FMN1: variants seen among roughly 807,000 people sequenced by gnomAD.
FMN1 encodes the protein formin 1, also known as formin-1.
A neutral mutation model predicts 132.4 loss-of-function variants in FMN1; 110 were observed. That is an observed-to-expected ratio of 0.83 (90% confidence interval 0.71 to 0.97). FMN1 has a LOEUF of 0.97. FMN1 is among the 50% of genes least tolerant of loss of function. The probability of loss-of-function intolerance (pLI) is 0.00; values close to 1 mark genes in which losing one functional copy is unlikely to be tolerated. For synonymous variants in FMN1, 722 were observed against 651.7 expected, an observed-to-expected ratio of 1.11 and a Z score of -1.64; for missense variants, 1,792 against 1,705.3, an observed-to-expected ratio of 1.05 and a Z score of -0.90.
chr15:33,087,844 C>T (rs1309075508), intron 5 of FMN1, among the ~76,000 whole-genome samples: 1 of 151,664 alleles, frequency 6.6e-6, no homozygotes, highest in African/African-American at 2.4e-5. Context: ...TATACATACA[C>T]ACACATATAT....
intron 16 of FMN1, among the ~76,000 whole-genome samples, chr15:32,863,725 G>A (rs7182810): frequency 0.13 from 20,242 of 152,046 alleles, 3,556 homozygotes; most frequent in African/African-American, 0.41. Flanking sequence ...GTAAGAACAG[G>A]ACCGTCTAGT....
At chr15:32,917,471 G>A (rs1030836436) in intron 10 of FMN1, among the ~76,000 whole-genome samples, 1 of 152,224 alleles carries the variant, frequency 6.6e-6, no homozygotes, top group Non-Finnish European at 1.5e-5. Flanking sequence ...AGGACAGCAG[G>A]CAGACTTTAT....
At chr15:33,015,150 A>T (rs2034966537) in intron 6 of FMN1, among the ~76,000 whole-genome samples, 2 of 152,156 alleles carry the variant, frequency 1.3e-5, no homozygotes, top group African/African-American at 2.4e-5. Context: ...GTTTTTGTTT[A>T]TTCCCTTGTT....
At chr15:32,970,371 T>A (rs145302590) in intron 7 of FMN1, among the ~76,000 whole-genome samples, 1 of 152,186 alleles carries the variant, frequency 6.6e-6, no homozygotes. Flanking sequence ...ATATTTTTTG[T>A]CAATTTATTT....
intron 17 of FMN1, among the ~76,000 whole-genome samples, chr15:32,810,526 T>G (rs752783965): frequency 4.6e-5 from 7 of 152,190 alleles, no homozygotes; most frequent in Non-Finnish European, 8.8e-5. Flanking sequence ...TATACTATTT[T>G]CCACAGTTAA....
rs564822221 is a variant in FMN1 at position 32,969,533 on chromosome 15, G to C, written c.2224-56C>G. The C allele has an allele frequency of 1.7e-5, 26 of 1,563,360 alleles. No homozygotes were observed. In the East Asian group the frequency reaches 5.4e-4, roughly 32 times the overall value. ...ATGAGTTTATTAAGAACAAACTTAA[G>C]AATTTAGAAACTCAATAATACCATC... On this transcript the variant is annotated intron_variant, in intron 7 of 20. Coordinates refer to ENST00000616417, the MANE Select transcript of FMN1 (RefSeq NM_001277313.2).
chr15:32,799,303 A>G (rs2057398495), intron 18 of FMN1, among the ~76,000 whole-genome samples: 1 of 152,162 alleles, frequency 6.6e-6, no homozygotes, highest in Admixed American at 6.5e-5. Context: ...GATTACATGC[A>G]AGGTGGATGA....
In FMN1 at chr15:32,782,370, T is replaced by C. The variant is rs183288019; in HGVS notation, c.4131-5451A>G. ...AAATAGTTATAAAATGATTGCTTTT[T>C]GCATTTATCCTTGGGAAAAAACTAT... On this transcript the variant is annotated intron_variant, in intron 19 of 20. Transcript: ENST00000616417. Among the ~76,000 whole-genome samples the C allele has an allele frequency of 1.4e-3, 211 of 152,372 alleles. 2 individuals carry two copies. Among genetic ancestry groups the C allele is most frequent in the Non-Finnish European group, 2.5e-4 (17 of 68,036 alleles).
chr15:32,880,526 C>T (rs893783690), intron 16 of FMN1, among the ~76,000 whole-genome samples: 3 of 152,150 alleles, frequency 2.0e-5, no homozygotes, highest in Admixed American at 6.5e-5. Flanking sequence ...GCTCCATTCA[C>T]CTTCCTTCTC....
At chr15:32,983,241 A>G (rs1246357689) in intron 7 of FMN1, among the ~76,000 whole-genome samples, 2 of 152,198 alleles carry the variant, frequency 1.3e-5, no homozygotes, top group Non-Finnish European at 2.9e-5. Flanking sequence ...GCACTCTGTT[A>G]AGTGAAAGGA....
intron 7 of FMN1, among the ~76,000 whole-genome samples, chr15:33,003,742 C>A (rs1289707333): frequency 1.3e-5 from 2 of 152,168 alleles, no homozygotes; most frequent in East Asian, 1.9e-4. Flanking sequence ...CCAAGTCAAT[C>A]CTAAGCCAAA....
chr15:33,139,123 T>C (rs983835903), intron 4 of FMN1, among the ~76,000 whole-genome samples: 2 of 152,222 alleles, frequency 1.3e-5, no homozygotes, highest in Non-Finnish European at 2.9e-5. Flanking sequence ...GTTTAATGTA[T>C]TTTCGAGAAC....
At chr15:33,051,828 AAG>A (rs1165847135) in intron 6 of FMN1, among the ~76,000 whole-genome samples, 6 of 152,322 alleles carry the variant, frequency 3.9e-5, no homozygotes, top group African/African-American at 1.2e-4. Context: ...AGAAGGACGC[AAG>A]ACCCCGGAAG....
chr15:32,804,121 G>A (rs961204120), intron 18 of FMN1, among the ~76,000 whole-genome samples, 160 bp downstream of exon 18: 1 of 152,104 alleles, frequency 6.6e-6, no homozygotes, highest in Non-Finnish European at 1.5e-5. Flanking sequence ...CAGGGGAGTG[G>A]GGAATGGGGA....
intron 4 of FMN1, among the ~76,000 whole-genome samples, chr15:33,112,944 G>A (rs1043896592): frequency 1.3e-5 from 2 of 152,188 alleles, no homozygotes; most frequent in Admixed American, 6.5e-5. Flanking sequence ...CTGGGACAAA[G>A]GGGAAGGCAG....
chr15:32,878,637 T>G lies in FMN1; in HGVS notation c.3835+9535A>C, dbSNP rs369725339. On this transcript the variant is annotated intron_variant, in intron 16 of 20. Transcript: ENST00000616417. ...AGGGATTTCCTTTGTGGGATCCCAGTAAATCCTCTTAAACAATCAGTGGAG... is the reference window on the plus strand; with the variant it reads ...AGGGATTTCCTTTGTGGGATCCCAGGAAATCCTCTTAAACAATCAGTGGAG... Among the ~76,000 whole-genome samples the G allele has an allele frequency of 1.2e-4, 18 of 152,302 alleles. No homozygotes were observed. The South Asian group carries it at 3.5e-3, about 30-fold the overall frequency.
intron 9 of FMN1, among the ~76,000 whole-genome samples, chr15:32,944,795 G>A (rs1217369717): frequency 6.6e-6 from 1 of 152,090 alleles, no homozygotes; most frequent in Non-Finnish European, 1.5e-5. Flanking sequence ...TTGGAGGGGG[G>A]AGGGTAGGGC....
chr15:33,044,218 G>A (rs1423581626), intron 6 of FMN1, among the ~76,000 whole-genome samples: 1 of 152,210 alleles, frequency 6.6e-6, no homozygotes, highest in Non-Finnish European at 1.5e-5. Flanking sequence ...TGGCCTGCAG[G>A]TGCCCCTTGG....
At chr15:32,910,429 A>G (rs1292048625) in intron 11 of FMN1, 45 bp downstream of exon 11, 3 of 1,418,842 alleles carry the variant, frequency 2.1e-6, no homozygotes, top group South Asian at 1.2e-5. Context: ...TCTCAGGTAG[A>G]AGATAAATAT....
Sources: gnomAD v4.1 joint callset for allele counts (sites outside exome capture counted in the v4.1 genomes callset) on GRCh38, gnomAD v4.1.1 for gene constraint, MANE v1.5 for transcripts, NCBI Gene and HGNC (gene_info 2026-07-23, HGNC 2026-07-21) for gene names.